The following CDK14 variants were observed in gnomAD, a reference collection of about 807,000 sequenced individuals.
CDK14 encodes the protein cyclin-dependent kinase 14.
In CDK14, 34 loss-of-function variants were observed where a neutral mutation model predicts 60.7. The observed-to-expected ratio is 0.56, with a 90% CI of 0.43 to 0.75. CDK14 has a LOEUF of 0.75. Ranked by LOEUF, CDK14 falls within the 30% of genes least tolerant of loss-of-function variation. The pLI, the probability that CDK14 is intolerant of heterozygous loss-of-function variation, is 0.00. For synonymous variants in CDK14, 197 were observed against 203.7 expected, an observed-to-expected ratio of 0.97 and a Z score of 0.28; for missense variants, 482 against 564.1, an observed-to-expected ratio of 0.85 and a Z score of 1.47.
chr7:90,671,046 A>G (rs1801086516), intron 2 of CDK14, among the ~76,000 whole-genome samples: 1 of 152,102 alleles, frequency 6.6e-6, no homozygotes, highest in South Asian at 2.1e-4. Flanking sequence ...TCTGTTTAGC[A>G]AGTTGCCAGC....
At chr7:90,868,436 A>G (rs1584065486) in intron 6 of CDK14, among the ~76,000 whole-genome samples, 1 of 151,970 alleles carries the variant, frequency 6.6e-6, no homozygotes, top group Non-Finnish European at 1.5e-5. Context: ...GATTGTATAC[A>G]TTAAGTATAT....
chr7:91,068,127 C>T (rs1160203085), intron 11 of CDK14, among the ~76,000 whole-genome samples: 1 of 152,202 alleles, frequency 6.6e-6, no homozygotes, highest in Non-Finnish European at 1.5e-5. Flanking sequence ...CAAACCTAGA[C>T]TATGCCCTTA....
intron 1 of CDK14, among the ~76,000 whole-genome samples, chr7:90,601,392 G>A (rs1378473936): frequency 6.6e-6 from 1 of 152,204 alleles, no homozygotes; most frequent in Non-Finnish European, 1.5e-5. Context: ...GTTAACTGCT[G>A]TTCAGGACAA....
chr7:91,065,068 T>C (rs1797936894), intron 11 of CDK14, among the ~76,000 whole-genome samples: 2 of 152,190 alleles, frequency 1.3e-5, no homozygotes, highest in African/African-American at 4.8e-5. Context: ...AGCAATAATG[T>C]TTAATGAATA....
At chr7:91,199,717 A>G (rs889975901) in intron 14 of CDK14, among the ~76,000 whole-genome samples, 2 of 152,210 alleles carry the variant, frequency 1.3e-5, no homozygotes, top group Non-Finnish European at 2.9e-5. Flanking sequence ...TTTAATTAAA[A>G]TCACCACTTT....
At chr7:91,177,536 G>A (rs1262796636) in intron 14 of CDK14, among the ~76,000 whole-genome samples, 1 of 152,072 alleles carries the variant, frequency 6.6e-6, no homozygotes, top group African/African-American at 2.4e-5. Context: ...GTTTGCAGAC[G>A]ACATGATTGT....
intron 11 of CDK14, among the ~76,000 whole-genome samples, chr7:91,068,754 C>T (rs182605545): frequency 1.3e-4 from 19 of 145,790 alleles, no homozygotes; most frequent in Admixed American, 2.8e-4. Flanking sequence ...CTGCTTCCAA[C>T]CTTGCCTTCT....
intron 14 of CDK14, among the ~76,000 whole-genome samples, chr7:91,121,124 T>C (rs966795216): frequency 1.3e-5 from 2 of 152,242 alleles, no homozygotes; most frequent in African/African-American, 2.4e-5. Flanking sequence ...GAATATCATA[T>C]AGACATTATA....
intron 6 of CDK14, among the ~76,000 whole-genome samples, chr7:90,895,100 G>A (rs1166013117): frequency 6.6e-6 from 1 of 152,022 alleles, no homozygotes; most frequent in Non-Finnish European, 1.5e-5. Context: ...ACTTGTATAT[G>A]TTATTTGAAG....
At position 91,210,403 on chromosome 7, in the gene CDK14, G is replaced by A. The variant is rs556472280; in HGVS notation, c.*3267G>A. On this transcript the variant is annotated 3_prime_UTR_variant, in exon 15 of 15. Transcript: ENST00000380050. ...AACAGGGGATTGGTACCTAAGAAAT[G>A]TGGTAGCATTATTCAGAAAACTATT... is the stretch of plus-strand genomic sequence containing the variant. The A allele has an allele frequency of 1.3e-5, 2 of 152,554 alleles. No homozygotes were observed. Among genetic ancestry groups the A allele is most frequent in the East Asian group, 1.9e-4 (1 of 5,168 alleles). 9.5% of individuals were successfully genotyped at this position (152,554 alleles called of 1,614,324 possible). A position where few individuals can be genotyped will look rare whatever the true frequency, so the allele number is the denominator to read the frequency against.
At chr7:90,853,959 T>C (rs1297474262) in intron 5 of CDK14, among the ~76,000 whole-genome samples, 3 of 152,030 alleles carry the variant, frequency 2.0e-5, no homozygotes, top group African/African-American at 7.2e-5. Flanking sequence ...GGGAGGTGGG[T>C]TCTAATTTGC....
In CDK14 at chr7:90,691,240, C is replaced by T. The variant is rs532068132; in HGVS notation, c.124-35327C>T. ...CAGTCCTGCCCTCCCGGAACTTAGCCGTGAAGGGAGGCAGATAATAAAGAC... is the reference window on the plus strand; with the variant it reads ...CAGTCCTGCCCTCCCGGAACTTAGCTGTGAAGGGAGGCAGATAATAAAGAC... On this transcript the variant is annotated intron_variant, in intron 2 of 14. Transcript: ENST00000380050. Among the ~76,000 whole-genome samples, 23 of 151,824 alleles carry T rather than the reference C, an allele frequency of 1.5e-4. No homozygotes were observed. In the South Asian group the frequency reaches 4.4e-3, roughly 29 times the overall value.
At chr7:91,201,167 GC>G (rs1802707290) in intron 14 of CDK14, among the ~76,000 whole-genome samples, 1 of 152,094 alleles carries the variant, frequency 6.6e-6, no homozygotes, top group Non-Finnish European at 1.5e-5. Flanking sequence ...AATACATAAA[GC>G]TAAATTTGAT....
chr7:90,904,849 C>T (rs1319638670), intron 7 of CDK14, among the ~76,000 whole-genome samples: 2 of 152,124 alleles, frequency 1.3e-5, no homozygotes, highest in African/African-American at 4.8e-5. Flanking sequence ...TCAAGAATTA[C>T]AATGGCGTCA....
intron 7 of CDK14, among the ~76,000 whole-genome samples, chr7:90,910,055 G>T (rs1397512048): frequency 6.6e-6 from 1 of 152,174 alleles, no homozygotes; most frequent in Non-Finnish European, 1.5e-5. Flanking sequence ...GCCTTAGCAT[G>T]AATGCTTGTG....
rs114051616 is a variant in CDK14 at position 90,710,960 on chromosome 7, A to G, written c.124-15607A>G. ...CTAGTGACTTTATATGGATCCACCTATTATTATATAGGTGCTGAATGTTAA... is the reference window on the plus strand; with the variant it reads ...CTAGTGACTTTATATGGATCCACCTGTTATTATATAGGTGCTGAATGTTAA... On this transcript the variant is annotated intron_variant, in intron 2 of 14. Coordinates refer to ENST00000380050, the MANE Select transcript of CDK14 (RefSeq NM_001287135.2). Among the ~76,000 whole-genome samples, 934 of 152,158 alleles carry G rather than the reference A, an allele frequency of 6.1e-3. 6 individuals are homozygous for G. Among genetic ancestry groups the G allele is most frequent in the African/African-American group, 0.021 (855 of 41,508 alleles).
At chr7:90,700,958 A>G (rs1801771839) in intron 2 of CDK14, among the ~76,000 whole-genome samples, 1 of 152,210 alleles carries the variant, frequency 6.6e-6, no homozygotes, top group African/African-American at 2.4e-5. Flanking sequence ...AGAACACAGA[A>G]AAAATCTTTC....
intron 5 of CDK14, among the ~76,000 whole-genome samples, chr7:90,843,531 A>G (rs1244713870): frequency 4.6e-5 from 7 of 152,180 alleles, no homozygotes; most frequent in Admixed American, 2.6e-4. Flanking sequence ...GAAAAACAAT[A>G]CATCTAATCA....
intron 8 of CDK14, among the ~76,000 whole-genome samples, chr7:90,934,674 C>A (rs1453190570): frequency 6.6e-6 from 1 of 152,168 alleles, no homozygotes; most frequent in African/African-American, 2.4e-5. Context: ...ATTCAGTGAT[C>A]TATTTTAGCT....
Sources: gnomAD v4.1 joint callset for allele counts (sites outside exome capture counted in the v4.1 genomes callset) on GRCh38, gnomAD v4.1.1 for gene constraint, MANE v1.5 for transcripts, NCBI Gene and HGNC (gene_info 2026-07-23, HGNC 2026-07-21) for gene names.